PTGES2: variants seen among roughly 807,000 people sequenced by gnomAD.
PTGES2 encodes the protein GATE-binding factor 1.
A neutral mutation model predicts 44.5 loss-of-function variants in PTGES2; 35 were observed. That is an observed-to-expected ratio of 0.79 (90% CI 0.60 to 1.04). The LOEUF (loss-of-function observed/expected upper bound fraction) is 1.04. PTGES2 is among the 50% of genes least tolerant of loss of function. PTGES2 has a pLI of 0.00. For missense variants in PTGES2, 517 were observed against 521.4 expected, an observed-to-expected ratio of 0.99 and a Z score of 0.08; for synonymous variants, 221 against 227.5, an observed-to-expected ratio of 0.97 and a Z score of 0.26.
intron 1 of PTGES2, 37 bp downstream of exon 1, chr9:128,127,402 G>T: frequency 7.5e-7 from 1 of 1,332,604 alleles, no homozygotes; most frequent in Non-Finnish European, 9.6e-7. Flanking sequence ...GTTCGGCGCT[G>T]ATCAGCATCC....
At chr9:128,126,653 G>A (rs1274035943) in intron 1 of PTGES2, among the ~76,000 whole-genome samples, 1 of 152,070 alleles carries the variant, frequency 6.6e-6, no homozygotes, top group Non-Finnish European at 1.5e-5. Context: ...GAGGTCAGGA[G>A]TTCGAGACCA....
chr9:128,121,362 C>A, intron 6 of PTGES2, 89 bp from the exon 7 acceptor site: 1 of 1,486,518 alleles, frequency 6.7e-7, no homozygotes, highest in South Asian at 1.3e-5. Flanking sequence ...GGCCAGGTCC[C>A]GTCCCCTCCC....
rs1834679380 is a variant in PTGES2, at chr9:128,127,592, C to A, written c.126G>T (p.Ala42=). 7.9e-7 allele frequency: 1 copy of A among 1,272,572 alleles called. No homozygotes were observed. Among genetic ancestry groups the A allele is most frequent in the Non-Finnish European group, 9.9e-7 (1 of 1,010,514 alleles). 78.8% of individuals were successfully genotyped at this position (1,272,572 alleles called of 1,614,324 possible). The part of the protein sequence containing the change: ...TQSRAGFAGA[A]GGPSPVAAAR... Reference sequence around the variant, plus strand: ...CTGCAGCCACGGGGCTCGGGCCGCCCGCCGCCCCCGCGAAGCCAGCCCGGC... The same window carrying A: ...CTGCAGCCACGGGGCTCGGGCCGCCAGCCGCCCCCGCGAAGCCAGCCCGGC... Residue 42 remains alanine, a synonymous_variant, in exon 1 of 7, where the codon GCG becomes GCT. Transcript: ENST00000338961.
Position 128,123,931 on chromosome 9 carries a change from C to A in PTGES2, c.537-80G>T. 1 of 1,529,774 alleles carries A rather than the reference C, an allele frequency of 6.5e-7. No homozygotes were observed. 94.8% of individuals were successfully genotyped at this position (1,529,774 alleles called of 1,614,324 possible). A position where few individuals can be genotyped will look rare whatever the true frequency, so the allele number is the denominator to read the frequency against. ...CCGACCAACCCCGCTGCCCCAGCCT[C>A]AGAGTGGAGCCAGGACCAACAAAGG... On this transcript the variant is annotated intron_variant, in intron 3 of 6. Coordinates refer to ENST00000338961, the MANE Select transcript of PTGES2 (RefSeq NM_025072.7). The surrounding 1 kb of genome is among the most constrained non-coding windows in gnomAD (Gnocchi z 4.4).
Position 128,127,654 on chromosome 9 carries a change from G to T in PTGES2, c.64C>A (p.Leu22Met), listed in dbSNP as rs1416153525. 1 of 1,279,224 alleles carries T rather than the reference G, an allele frequency of 7.8e-7. No homozygotes were observed. Among genetic ancestry groups the T allele is most frequent in the Non-Finnish European group, 9.9e-7 (1 of 1,013,562 alleles). 79.2% of individuals were successfully genotyped at this position (1,279,224 alleles called of 1,614,324 possible). A position where few individuals can be genotyped will look rare whatever the true frequency, so the allele number is the denominator to read the frequency against. The change falls in exon 1 of 7, where the codon CTG becomes ATG. Residue 22 changes from leucine to methionine, a missense_variant. Transcript: ENST00000338961. ...AGCAGCGGCTGGGGGCGGCCTCCCA[G>T]CCTCCAGGCCAAGGCGCACCCACCA... ...WPGGCALAWR[L>M]GGRPQPLLPT...
At chr9:128,128,032 G>A (rs571219396), upstream of PTGES2, 2 of 391,310 alleles carry the variant, frequency 5.1e-6, no homozygotes, top group African/African-American at 4.3e-5. Flanking sequence ...CTAAAGGGCG[G>A]CGTGGCCGTC....
At position 128,125,224 on chromosome 9, in the gene PTGES2, G is replaced by C; in HGVS notation, c.477+20C>G. On this transcript the variant is annotated intron_variant, in intron 2 of 6. Transcript: ENST00000338961. ...AACCCAGGAAAGGAGGAAGGATGCA[G>C]GGGGTTCCCTGGGGCTCACCGAGCT... 3 of 1,552,384 alleles carry C rather than the reference G, an allele frequency of 1.9e-6. No homozygotes were observed. The highest frequency in any genetic ancestry group is 2.6e-6 in the Non-Finnish European group (3 of 1,146,204).
At chr9:128,124,140 T>C (rs1034141761) in intron 3 of PTGES2, among the ~76,000 whole-genome samples, 4 of 151,856 alleles carry the variant, frequency 2.6e-5, no homozygotes, top group Non-Finnish European at 4.4e-5. Context: ...TGGAGTGCAG[T>C]GGCACGATCT....
chr9:128,127,439 C>G lies in PTGES2; in HGVS notation c.279G>C (p.Gln93His). Residue 93 changes from glutamine (Q) to histidine (H), a missense_variant and splice_region_variant, in exon 1 of 7, where the codon CAG (glutamine) becomes CAC (histidine). By Grantham distance (24) the Gln-to-His change is conservative. Coordinates refer to ENST00000338961, the MANE Select transcript of PTGES2 (RefSeq NM_025072.7). ...CATCCCCGGCCGGGCCAGGCCTTAC[C>G]TGCGCGGCTGAGCGCTCTGCGTGGA... is the stretch of plus-strand genomic sequence containing the variant. ...QDLHAERSAA[Q>H]LSLSSRLQLT... 7.3e-7 allele frequency: 1 copy of G among 1,375,064 alleles called. No individual in the cohort carries two copies. Among genetic ancestry groups the G allele is most frequent in the Middle Eastern group, 1.9e-4 (1 of 5,178 alleles). The allele number at this position is 1,375,064 out of a possible 1,614,324, so 85.2% of individuals were successfully genotyped here.
At position 128,122,933 on chromosome 9, in the gene PTGES2, C is replaced by T. The variant is rs1834471853; in HGVS notation, c.887+1G>A. ...GGCCCCGGATGTGCACACACACTTG[C>T]CTGCTCTTGAGTCGCTTGCTGATGA... On this transcript the variant is annotated splice_donor_variant, in intron 5 of 6. Coordinates refer to ENST00000338961, the MANE Select transcript of PTGES2 (RefSeq NM_025072.7). LOFTEE classifies it high-confidence loss of function. The T allele has an allele frequency of 1.2e-6, 2 of 1,613,860 alleles. No individual in the cohort carries two copies. Among genetic ancestry groups the T allele is most frequent in the African/African-American group, 2.7e-5 (2 of 74,938 alleles).
At chr9:128,124,372 C>T (rs1238615396) in intron 3 of PTGES2, 120 bp downstream of exon 3, 5 of 869,136 alleles carry the variant, frequency 5.8e-6, no homozygotes, top group Middle Eastern at 3.6e-4. Flanking sequence ...GTGCGAGCCA[C>T]TCTGTACTCT....
chr9:128,123,578 C>T lies in PTGES2; in HGVS notation c.686+124G>A, dbSNP rs990583699. The T allele has an allele frequency of 4.7e-5, 49 of 1,049,294 alleles. No homozygotes were observed. Among genetic ancestry groups the T allele is most frequent in the Non-Finnish European group, 6.4e-5 (47 of 732,554 alleles). The allele number at this position is 1,049,294 out of a possible 1,614,324, so 65.0% of individuals were successfully genotyped here. On this transcript the variant is annotated intron_variant, in intron 4 of 6. Transcript: ENST00000338961. This position sits in a 1 kb window ranked among gnomAD's most constrained non-coding sequence, Gnocchi z 4.4. ...GGTCTCTACTGAAATCCGGCATGGC[C>T]CGGCCCCAGCCCCGCTGGTCTCCCA...
At chr9:128,125,788 GAAC>G in intron 1 of PTGES2, among the ~76,000 whole-genome samples, 1 of 152,264 alleles carries the variant, frequency 6.6e-6, no homozygotes. Flanking sequence ...CACAGACATG[GAAC>G]AACTGTTTCA....
chr9:128,127,845 C>G, upstream of PTGES2: 2 of 960,396 alleles, frequency 2.1e-6, no homozygotes, highest in South Asian at 4.7e-5. Flanking sequence ...AGGGAACCCT[C>G]AGCGCTCTCG....
intron 5 of PTGES2, 102 bp from the exon 6 acceptor site, chr9:128,122,581 C>A: frequency 1.0e-6 from 1 of 968,506 alleles, no homozygotes; most frequent in Non-Finnish European, 1.6e-6. Context: ...GAAGCCAGGA[C>A]GGCACCCCAG....
rs529646046 is a variant in PTGES2, at chr9:128,125,345, G to A, written c.376C>T (p.Pro126Ser). The part of the protein sequence containing the change: ...VRAFLDFHAL[P>S]YQVVEVNPVR... The stretch of plus-strand genomic sequence containing the variant: ...GGGTTCACCTCCACCACCTGGTAGG[G>A]CAGGGCATGGAAGTCGAGGAAGGCT... The change falls in exon 2 of 7, where the codon CCC (proline) becomes TCC (serine). Residue 126 changes from proline (P) to serine (S), a missense_variant. Coordinates refer to ENST00000338961, the MANE Select transcript of PTGES2 (RefSeq NM_025072.7). 11 of 1,614,144 alleles carry A rather than the reference G, an allele frequency of 6.8e-6. No homozygotes were observed. The South Asian group carries it at 1.1e-4, about 16-fold the overall frequency.
chr9:128,124,930 A>T, intron 2 of PTGES2: 1 of 1,207,312 alleles, frequency 8.3e-7, no homozygotes, highest in South Asian at 1.8e-5. Flanking sequence ...CAGAGAGGCT[A>T]AGTGACTTGC....
At chr9:128,128,153 C>G (rs1834721157), upstream of PTGES2, 2 of 312,386 alleles carry the variant, frequency 6.4e-6, no homozygotes, top group Non-Finnish European at 1.2e-5. Context: ...GCCCCGGAAA[C>G]GACCCGACCC....
intron 5 of PTGES2, 123 bp downstream of exon 5, chr9:128,122,811 C>T (rs577680584): frequency 1.3e-4 from 128 of 984,816 alleles, no homozygotes; most frequent in Middle Eastern, 2.7e-4. Flanking sequence ...ATCCATAATG[C>T]GTTTCCCACC....
Sources: allele counts gnomAD v4.1 joint callset (sites outside exome capture counted in the v4.1 genomes callset), GRCh38; gene constraint gnomAD v4.1.1; non-coding constraint Gnocchi (gnomAD v3.1); transcripts MANE v1.5; gene names NCBI Gene and HGNC (gene_info 2026-07-23, HGNC 2026-07-21).